APPL1: variants seen among roughly 807,000 people sequenced by gnomAD.
APPL1 encodes adaptor protein, phosphotyrosine interacting with PH domain and leucine zipper 1, also known as DCC-interacting protein 13-alpha.
In APPL1, 42 loss-of-function variants were observed where a neutral mutation model predicts 106.8. That is an observed-to-expected ratio of 0.39 (90% confidence interval 0.31 to 0.51). APPL1 has a LOEUF of 0.51. Among genes scored for constraint, APPL1 ranks in the 20% least tolerant of loss-of-function variants. The probability of loss-of-function intolerance (pLI) is 0.75; values close to 1 mark genes in which losing one functional copy is unlikely to be tolerated. For synonymous variants in APPL1, 263 were observed against 281.8 expected, an observed-to-expected ratio of 0.93 and a Z score of 0.67; for missense variants, 769 against 858.2, an observed-to-expected ratio of 0.90 and a Z score of 1.30.
intron 6 of APPL1, 76 bp from the exon 7 acceptor site, chr3:57,242,780 A>G: frequency 9.2e-7 from 1 of 1,092,008 alleles, no homozygotes; most frequent in Non-Finnish European, 1.4e-6. Context: ...AAAGGTGCAC[A>G]TGTGAAGACC....
chr3:57,228,922 C>T lies in APPL1; in HGVS notation c.54+985C>T, dbSNP rs561180640. On this transcript the variant is annotated intron_variant, in intron 1 of 21. Coordinates refer to ENST00000288266, the MANE Select transcript of APPL1 (RefSeq NM_012096.3). The surrounding 1 kb of genome is among the most constrained non-coding windows in gnomAD (Gnocchi z 4.6). The stretch of plus-strand genomic sequence containing the variant: ...TGTGTCTTTACAGTTGAACATGGCC[C>T]CCAAAGAAGAAAAGCAGAAGAGGTC... Among the ~76,000 whole-genome samples, 8 of 152,286 alleles carry T rather than the reference C, an allele frequency of 5.3e-5. No homozygotes were observed. The highest frequency in any genetic ancestry group is 1.2e-4 in the Non-Finnish European group (8 of 68,022).
At chr3:57,240,356 C>T (rs2060739055) in intron 4 of APPL1, 109 bp from the exon 5 acceptor site, 1 of 800,062 alleles carries the variant, frequency 1.2e-6, no homozygotes, top group Non-Finnish European at 2.0e-6. Context: ...TAGTGTTTTC[C>T]TATATAAAAT....
intron 11 of APPL1, among the ~76,000 whole-genome samples, chr3:57,250,796 C>G (rs72877609): frequency 1.5e-5 from 2 of 134,718 alleles, no homozygotes; most frequent in Non-Finnish European, 3.2e-5. Context: ...GACCTTTGAA[C>G]TTTCTTTCTT....
At chr3:57,263,331 G>A (rs906326750) in intron 19 of APPL1, among the ~76,000 whole-genome samples, 11 of 150,952 alleles carry the variant, frequency 7.3e-5, no homozygotes, top group Admixed American at 1.3e-4. Context: ...GTAGTCCCCC[G>A]TTCTATCAAA....
intron 8 of APPL1, among the ~76,000 whole-genome samples, chr3:57,247,051 A>G (rs2060777841): frequency 6.6e-6 from 1 of 152,080 alleles, no homozygotes; most frequent in Admixed American, 6.6e-5. Flanking sequence ...ATTATTCCTC[A>G]GATAGAAAAC....
chr3:57,251,236 A>T (rs1165470482), intron 11 of APPL1, among the ~76,000 whole-genome samples: 1 of 150,764 alleles, frequency 6.6e-6, no homozygotes, highest in Non-Finnish European at 1.5e-5. Context: ...AAAAAAAGAT[A>T]CTATAGGCCG....
chr3:57,238,723 A>G (rs1056719209), intron 4 of APPL1, among the ~76,000 whole-genome samples: 1 of 152,240 alleles, frequency 6.6e-6, no homozygotes, highest in Non-Finnish European at 1.5e-5. Flanking sequence ...CCATTATAGC[A>G]AAATGTTTTA....
chr3:57,252,366 G>T, intron 12 of APPL1, 55 bp downstream of exon 12: 1 of 1,317,248 alleles, frequency 7.6e-7, no homozygotes, highest in Non-Finnish European at 1.1e-6. Flanking sequence ...TTTTTCTGAT[G>T]ACAAAACATA....
chr3:57,261,150 C>T (rs1221755226), intron 19 of APPL1, among the ~76,000 whole-genome samples: 1 of 152,118 alleles, frequency 6.6e-6, no homozygotes, highest in Non-Finnish European at 1.5e-5. Context: ...TCTGTCATTC[C>T]ACACTCTGCC....
chr3:57,260,351 A>T, intron 18 of APPL1, 198 bp downstream of exon 18: 1 of 600,160 alleles, frequency 1.7e-6, no homozygotes, highest in Non-Finnish European at 2.7e-6. Context: ...AAGAATTAAC[A>T]CAATTCTTTT....
At position 57,259,838 on chromosome 3, in the gene APPL1, A is replaced by G. The variant is rs753348297; in HGVS notation, c.1484-7A>G. ...AAAAATATGTAATACACCTTGTTCT[A>G]TTATAGATTCTATTCTTCATCAGTT... On this transcript the variant is annotated splice_polypyrimidine_tract_variant and splice_region_variant and intron_variant, in intron 16 of 21. Transcript: ENST00000288266. 6.4e-7 allele frequency: 1 copy of G among 1,574,478 alleles called. No homozygotes were observed. Among genetic ancestry groups the G allele is most frequent in the Non-Finnish European group, 8.6e-7 (1 of 1,163,688 alleles).
chr3:57,239,878 A>T (rs923297161), intron 4 of APPL1, among the ~76,000 whole-genome samples: 7 of 152,132 alleles, frequency 4.6e-5, no homozygotes, highest in African/African-American at 7.2e-5. Context: ...AAATTTTTTT[A>T]AAAATTATGG....
In APPL1 at chr3:57,261,165, C is replaced by T. The variant is rs377403510; in HGVS notation, c.1842+391C>T. Among the ~76,000 whole-genome samples, 22 of 152,258 alleles carry T rather than the reference C, an allele frequency of 1.4e-4. No homozygotes were observed. The East Asian group carries it at 3.3e-3, about 23-fold the overall frequency. On this transcript the variant is annotated intron_variant, in intron 19 of 21. Transcript: ENST00000288266. ...TCTGTCATTCCACACTCTGCCTCCA[C>T]GTGATCAATTTTTTGGCTCCCACAT...
chr3:57,256,932 T>C, intron 13 of APPL1, 25 bp from the exon 14 acceptor site: 4 of 1,601,750 alleles, frequency 2.5e-6, no homozygotes, highest in Non-Finnish European at 3.4e-6. Context: ...CTAATATTAG[T>C]CCTTTTTTAA....
chr3:57,268,515 A>T (rs1200938064), intron 21 of APPL1, 28 bp downstream of exon 21: 1 of 1,554,218 alleles, frequency 6.4e-7, no homozygotes, highest in Non-Finnish European at 8.6e-7. Flanking sequence ...CTGGATCTTT[A>T]TGTGTTGTTT....
rs1225284796 is a variant in APPL1 at position 57,246,117 on chromosome 3, G to A, written c.516G>A (p.Lys172=). 6.2e-7 allele frequency: 1 copy of A among 1,611,052 alleles called. No individual in the cohort carries two copies. Among genetic ancestry groups the A allele is most frequent in the Admixed American group, 1.7e-5 (1 of 59,520 alleles). Residue 172 remains lysine, a synonymous_variant, in exon 8 of 22, where the codon AAG becomes AAA. Transcript: ENST00000288266. ...CAGAAGATGTGTACACATCCAGAAA[G>A]AAACAACACCAGACCATGATGCATT... ...EVTEDVYTSR[K]KQHQTMMHYF... is the part of the protein sequence containing the mutation.
rs765656762 is a variant in APPL1 at position 57,235,647 on chromosome 3, C to T, written c.136C>T (p.Arg46Trp). Residue 46 changes from arginine (R) to tryptophan (W), a missense_variant, in exon 2 of 22, where the codon CGG (arginine) becomes TGG (tryptophan). Coordinates refer to ENST00000288266, the MANE Select transcript of APPL1 (RefSeq NM_012096.3). ...GAACCAGTTGTATCAAGCTATGCAT[C>T]GGATTTATGATGCACAGGTAAAACA... ...YMNQLYQAMH[R>W]IYDAQNELSA... 1.1e-5 allele frequency: 18 copies of T among 1,612,538 alleles called. No individual in the cohort carries two copies. In the East Asian group the frequency reaches 1.6e-4, roughly 14 times the overall value.
At position 57,269,722 on chromosome 3, in the gene APPL1, T is replaced by A. The variant is rs1173322928; in HGVS notation, c.*35T>A. ...TTTGGTAGATATTCCCCCTTGGAATTTGACAGTTTCTATGGTGAAATGGCA... is the reference window on the plus strand; with the variant it reads ...TTTGGTAGATATTCCCCCTTGGAATATGACAGTTTCTATGGTGAAATGGCA... On this transcript the variant is annotated 3_prime_UTR_variant, in exon 22 of 22. Coordinates refer to ENST00000288266, the MANE Select transcript of APPL1 (RefSeq NM_012096.3). 6.2e-7 allele frequency: 1 copy of A among 1,607,592 alleles called. No homozygotes were observed. Among genetic ancestry groups the A allele is most frequent in the South Asian group, 1.1e-5 (1 of 90,274 alleles).
At chr3:57,267,716 A>G in intron 19 of APPL1, 26 bp from the exon 20 acceptor site, 1 of 1,611,842 alleles carries the variant, frequency 6.2e-7, no homozygotes, top group Non-Finnish European at 8.5e-7. Flanking sequence ...AACTGCCTGA[A>G]TTTTTCATAC....
Sources: gnomAD v4.1 joint callset for allele counts (sites outside exome capture counted in the v4.1 genomes callset) on GRCh38, gnomAD v4.1.1 for gene constraint, Gnocchi (gnomAD v3.1) non-coding constraint, MANE v1.5 for transcripts, NCBI Gene and HGNC (gene_info 2026-07-23, HGNC 2026-07-21) for gene names.